Variants in GET1 observed in about 807,000 individuals in gnomAD.
GET1 encodes the protein congenital heart disease 5 protein.
A neutral mutation model predicts 22.6 loss-of-function variants in GET1; 20 were observed. That is an observed-to-expected ratio of 0.89 (90% CI 0.62 to 1.29). The LOEUF (loss-of-function observed/expected upper bound fraction) is 1.29, where lower values mean the gene tolerates loss of function less well. Among genes scored for constraint, GET1 ranks in the 50% most tolerant of loss-of-function variants. The pLI, the probability that GET1 is intolerant of heterozygous loss-of-function variation, is 0.00. For missense variants in GET1, 209 were observed against 219.9 expected (o/e 0.95, Z 0.31); for synonymous variants, 92 against 83.8 (o/e 1.10, Z -0.53).
chr21:39,393,311 AGT>A (rs1320828401), intron 4 of GET1, 31 bp downstream of exon 4: 2 of 1,535,448 alleles, frequency 1.3e-6, no homozygotes, highest in East Asian at 4.5e-5. Context: ...GCAGTGGAAG[AGT>A]GTGAATAGGC....
At chr21:39,392,051 T>C (rs1047865871) in intron 3 of GET1, 32 of 542,252 alleles carry the variant, frequency 5.9e-5, no homozygotes, top group African/African-American at 5.6e-4. Flanking sequence ...TTTGGGACTT[T>C]TTGGCAGATG....
At chr21:39,391,001 C>A in intron 2 of GET1, 138 bp downstream of exon 2, 1 of 944,582 alleles carries the variant, frequency 1.1e-6, no homozygotes, top group Non-Finnish European at 1.5e-6. Context: ...CTGGAGGAAA[C>A]TCAGTAATAA....
At chr21:39,391,028 A>G in intron 2 of GET1, 165 bp downstream of exon 2, 1 of 680,660 alleles carries the variant, frequency 1.5e-6, no homozygotes, top group Non-Finnish European at 2.3e-6. Context: ...CTTTCCTCTT[A>G]TTTGCTGGTG....
At chr21:39,389,653 G>T (rs145618484) in intron 1 of GET1, among the ~76,000 whole-genome samples, 595 of 152,292 alleles carry the variant, frequency 3.9e-3, no homozygotes, top group Middle Eastern at 0.01. Flanking sequence ...TCACCCTACA[G>T]ACCCTGACTC....
chr21:39,387,751 CA>C, intron 1 of GET1: 1 of 981,594 alleles, frequency 1.0e-6, no homozygotes, highest in Non-Finnish European at 1.2e-6. Context: ...CTGGGCGGGT[CA>C]GAAACCACGC....
intron 1 of GET1, among the ~76,000 whole-genome samples, chr21:39,417,573 C>T (rs1271354708): frequency 1.3e-5 from 2 of 151,970 alleles, no homozygotes; most frequent in Non-Finnish European, 2.9e-5. Context: ...TTTCAGGCTG[C>T]TGATAAAGAC....
intron 4 of GET1, among the ~76,000 whole-genome samples, chr21:39,393,806 C>T (rs1392109821): frequency 6.6e-6 from 1 of 151,958 alleles, no homozygotes. Flanking sequence ...TGCACTACCA[C>T]GCCCAGCTAA....
intron 1 of GET1, among the ~76,000 whole-genome samples, chr21:39,414,699 T>C (rs1283994759): frequency 6.6e-6 from 1 of 151,084 alleles, no homozygotes; most frequent in Non-Finnish European, 1.5e-5. Context: ...GTACTGCATC[T>C]GTCTGGTTCT....
At chr21:39,403,597 G>A (rs1315283280) in intron 4 of GET1, among the ~76,000 whole-genome samples, 1 of 148,626 alleles carries the variant, frequency 6.7e-6, no homozygotes, top group Non-Finnish European at 1.5e-5. Context: ...GCTGGGGTGA[G>A]CCACCGCTCC....
downstream of GET1, among the ~76,000 whole-genome samples, chr21:39,401,872 A>G (rs1212984943): frequency 6.6e-6 from 1 of 152,136 alleles, no homozygotes; most frequent in Non-Finnish European, 1.5e-5. Context: ...ATCAAGAACT[A>G]CACCCGTATG....
chr21:39,416,324 A>G (rs188175638), intron 1 of GET1, among the ~76,000 whole-genome samples: 50 of 152,346 alleles, frequency 3.3e-4, no homozygotes, highest in Admixed American at 1.1e-3. Flanking sequence ...TAACCTGGGC[A>G]GTTATCTTTA....
At chr21:39,406,104 A>G in exon 5 of GET1, 1 of 1,614,198 alleles carries the variant, frequency 6.2e-7, no homozygotes, top group Non-Finnish European at 8.5e-7. Context: ...CTTCCATGAG[A>G]CTGCTTTTCT....
At chr21:39,398,098 T>C (rs1280112176), downstream of GET1, among the ~76,000 whole-genome samples, 2 of 152,132 alleles carry the variant, frequency 1.3e-5, no homozygotes, top group African/African-American at 4.8e-5. Flanking sequence ...TACTTAGCTT[T>C]AAGAAAGGAC....
chr21:39,409,833 A>G, downstream of GET1: 1 of 569,080 alleles, frequency 1.8e-6, no homozygotes, highest in Non-Finnish European at 3.1e-6. This position sits in a 1 kb window ranked among gnomAD's most constrained non-coding sequence, Gnocchi z 4.2. Flanking sequence ...ACCTCAGGTG[A>G]TCTGCCTGCC....
chr21:39,417,916 C>T (rs778811221), intron 1 of GET1, among the ~76,000 whole-genome samples: 12 of 152,160 alleles, frequency 7.9e-5, no homozygotes, highest in Admixed American at 1.3e-4. Context: ...CAGGTGCCCG[C>T]CACCATGCCT....
downstream of GET1, chr21:39,406,664 A>G: frequency 7.2e-7 from 1 of 1,381,876 alleles, no homozygotes; most frequent in Non-Finnish European, 9.9e-7. Context: ...ATGGATCTCT[A>G]TTTCAAGATG....
intron 1 of GET1, chr21:39,421,943 A>G (rs1194490941): frequency 2.0e-5 from 3 of 152,226 alleles, no homozygotes; most frequent in African/African-American, 7.2e-5. Flanking sequence ...AACAACTTAG[A>G]TACATACATG....
chr21:39,384,460 A>G (rs2037759219), intron 1 of GET1, among the ~76,000 whole-genome samples: 1 of 151,044 alleles, frequency 6.6e-6, no homozygotes, highest in Non-Finnish European at 1.5e-5. Flanking sequence ...GGGTTTCACC[A>G]TGTTGGCCTG....
At chr21:39,416,318 C>T (rs1341704412) in intron 1 of GET1, among the ~76,000 whole-genome samples, 1 of 152,194 alleles carries the variant, frequency 6.6e-6, no homozygotes, top group African/African-American at 2.4e-5. Context: ...AAGTTTTAAC[C>T]TGGGCAGTTA....
Sources: allele counts gnomAD v4.1 joint callset (sites outside exome capture counted in the v4.1 genomes callset), GRCh38; gene constraint gnomAD v4.1.1; non-coding constraint Gnocchi (gnomAD v3.1); transcripts MANE v1.5; gene names NCBI Gene and HGNC (gene_info 2026-07-23, HGNC 2026-07-21).